Variants in CAMKK2 observed in about 807,000 individuals in gnomAD.
CAMKK2 encodes calcium/calmodulin dependent protein kinase kinase 2, also known as calcium/calmodulin-dependent protein kinase kinase 2.
CAMKK2 carries 30 observed loss-of-function variants against 67.2 expected under a neutral mutation model. The observed-to-expected ratio is 0.45, with a 90% CI of 0.33 to 0.61. CAMKK2 has a LOEUF of 0.61. Among genes scored for constraint, CAMKK2 ranks in the 20% least tolerant of loss-of-function variants. The probability of loss-of-function intolerance (pLI) is 0.02; values close to 1 mark genes in which losing one functional copy is unlikely to be tolerated. For synonymous variants in CAMKK2, 322 were observed against 326.2 expected (o/e 0.99, Z 0.14); for missense variants, 643 against 802.0 (o/e 0.80, Z 2.39).
rs201740987 is a variant in CAMKK2 at position 121,244,564 on chromosome 12, G to A, written c.1596+9C>T. 1.9e-5 allele frequency: 29 copies of A among 1,558,162 alleles called. No homozygotes were observed. Among genetic ancestry groups the A allele is most frequent in the South Asian group, 5.9e-5 (5 of 84,590 alleles). ...AGCAGAGGCTACGGCACAGGCAGGC[G>A]GGCGTTACCTTGAGCTCAGACAGGG... On this transcript the variant is annotated intron_variant, in intron 16 of 16. Coordinates refer to ENST00000404169, the MANE Select transcript of CAMKK2 (RefSeq NM_001270485.2).
chr12:121,252,059 C>T (rs755444202), intron 11 of CAMKK2, among the ~76,000 whole-genome samples: 1 of 152,182 alleles, frequency 6.6e-6, no homozygotes, highest in Non-Finnish European at 1.5e-5. Context: ...TTAGTGATGT[C>T]TGCCTTGGGC....
At chr12:121,292,975 A>C (rs941523894) in intron 1 of CAMKK2, among the ~76,000 whole-genome samples, 6 of 148,448 alleles carry the variant, frequency 4.0e-5, no homozygotes, top group Non-Finnish European at 9.0e-5. Context: ...TCTCAAAAGA[A>C]AAAAAAAAAG....
At chr12:121,282,482 G>T (rs913555397) in intron 1 of CAMKK2, among the ~76,000 whole-genome samples, 9 of 152,188 alleles carry the variant, frequency 5.9e-5, no homozygotes, top group African/African-American at 2.2e-4. Flanking sequence ...TCATTAGGGT[G>T]GGCCCCAGTC....
In CAMKK2 at chr12:121,242,899, C is replaced by T. The variant is rs1311566507; in HGVS notation, c.1596+1674G>A. ...CTGGGACTACAGGCGCCCGCCACCG[C>T]GCCCGGCTAATTTTTTGTATTTTTA... On this transcript the variant is annotated intron_variant, in intron 16 of 16. Coordinates refer to ENST00000404169, the MANE Select transcript of CAMKK2 (RefSeq NM_001270485.2). Among the ~76,000 whole-genome samples the T allele has an allele frequency of 3.3e-5, 5 of 151,914 alleles. No individual in the cohort carries two copies. The East Asian group carries it at 5.8e-4, about 18-fold the overall frequency.
At chr12:121,244,076 A>G in intron 16 of CAMKK2, 1 of 1,608,688 alleles carries the variant, frequency 6.2e-7, no homozygotes, top group Non-Finnish European at 8.5e-7. Context: ...CACTCGGGTG[A>G]GGGAACTCTT....
At chr12:121,264,144 G>C (rs1233320345) in intron 5 of CAMKK2, among the ~76,000 whole-genome samples, 1 of 152,096 alleles carries the variant, frequency 6.6e-6, no homozygotes, top group Non-Finnish European at 1.5e-5. Context: ...GCCCTCGGCC[G>C]TCCTGTGAAT....
In CAMKK2 at chr12:121,253,428, G is replaced by T. The variant is rs1566053853; in HGVS notation, c.952C>A (p.Leu318Ile). 6.2e-7 allele frequency: 1 copy of T among 1,614,202 alleles called. No individual in the cohort carries two copies. The highest frequency in any genetic ancestry group is 2.2e-5 in the East Asian group (1 of 44,890). ...ATGTGCCCATCTTCTCCGACCAGGA[G>T]GTTGGAAGGTTTGATGTCACGGTGG... The part of the protein sequence containing the change: ...IIHRDIKPSN[L>I]LVGEDGHIKI... The change falls in exon 10 of 17, where the codon CTC becomes ATC. Residue 318 changes from leucine to isoleucine, a missense_variant. Transcript: ENST00000404169. This position sits in a 1 kb window ranked among gnomAD's most constrained non-coding sequence, Gnocchi z 5.0.
chr12:121,258,757 G>A (rs1235913099), intron 7 of CAMKK2, among the ~76,000 whole-genome samples: 1 of 151,964 alleles, frequency 6.6e-6, no homozygotes, highest in Non-Finnish European at 1.5e-5. Flanking sequence ...TCTTCTTTGA[G>A]GCTTGGACCA....
chr12:121,292,016 A>G (rs1407743531), intron 1 of CAMKK2, among the ~76,000 whole-genome samples: 2 of 151,784 alleles, frequency 1.3e-5, no homozygotes, highest in Admixed American at 6.6e-5. Context: ...AGATCACGCC[A>G]CTGCACTCCA....
upstream of CAMKK2, chr12:121,297,573 A>C: frequency 1.9e-6 from 1 of 515,872 alleles, no homozygotes; most frequent in South Asian, 1.4e-5. Context: ...TGGATCCCCC[A>C]GCTGGATAAC....
intron 1 of CAMKK2, among the ~76,000 whole-genome samples, chr12:121,277,329 C>T (rs1324025666): frequency 2.6e-5 from 4 of 152,188 alleles, no homozygotes; most frequent in African/African-American, 9.7e-5. Context: ...CCTGGTGGCT[C>T]CCCAAAAAGT....
In CAMKK2 at chr12:121,270,153, C is replaced by T. The variant is rs868539629; in HGVS notation, c.520-572G>A. Reference sequence around the variant, plus strand: ...TTGGGAGGCCGAGGCGGGCAGATCACTTGAGGTCAGGTTTGAGAACAGCCT... The same window carrying T: ...TTGGGAGGCCGAGGCGGGCAGATCATTTGAGGTCAGGTTTGAGAACAGCCT... On this transcript the variant is annotated intron_variant, in intron 3 of 16. Coordinates refer to ENST00000404169, the MANE Select transcript of CAMKK2 (RefSeq NM_001270485.2). 2.6e-5 allele frequency among the ~76,000 whole-genome samples: 4 copies of T among 152,178 alleles called. No homozygotes were observed. The South Asian group carries it at 6.2e-4, about 24-fold the overall frequency.
At chr12:121,244,237 C>T (rs1888956221) in intron 16 of CAMKK2, 8 of 1,136,358 alleles carry the variant, frequency 7.0e-6, no homozygotes, top group South Asian at 6.7e-5. Context: ...CGGGGGGGCA[C>T]CCATGGGCCC....
At chr12:121,270,837 C>A in intron 3 of CAMKK2, 61 bp downstream of exon 3, 1 of 1,362,888 alleles carries the variant, frequency 7.3e-7, no homozygotes, top group Non-Finnish European at 1.1e-6. Context: ...CCCGTTCCCT[C>A]CACAGTATCT....
At chr12:121,261,632 G>A (rs1371359972) in intron 6 of CAMKK2, among the ~76,000 whole-genome samples, 1 of 152,204 alleles carries the variant, frequency 6.6e-6, no homozygotes, top group Non-Finnish European at 1.5e-5. Context: ...CCAGGGCCTT[G>A]TCCGCCTAGA....
chr12:121,270,834 C>T (rs1420240382), intron 3 of CAMKK2, 64 bp downstream of exon 3: 6 of 1,317,228 alleles, frequency 4.6e-6, no homozygotes, highest in Non-Finnish European at 6.6e-6. Flanking sequence ...TACCCCGTTC[C>T]CTCCACAGTA....
Position 121,260,354 on chromosome 12 carries a change from A to T in CAMKK2, c.761T>A (p.Val254Asp). ...ATGGTCCTCATTGGGGTCATCCAGGACCTTGGCACAGCCACATGGAATAGG... is the reference window on the plus strand; with the variant it reads ...ATGGTCCTCATTGGGGTCATCCAGGTCCTTGGCACAGCCACATGGAATAGG... The part of the protein sequence containing the change: ...DHPNVVKLVE[V>D]LDDPNEDHLY... The change falls in exon 7 of 17, where the codon GTC (valine) becomes GAC (aspartate). Residue 254 changes from valine (V) to aspartate (D), a missense_variant and splice_region_variant. This residue lies in a region of CAMKK2 where 483 missense variants were observed against 625.8 expected (regional missense o/e 0.77). Coordinates refer to ENST00000404169, the MANE Select transcript of CAMKK2 (RefSeq NM_001270485.2). 1 of 1,611,790 alleles carries T rather than the reference A, an allele frequency of 6.2e-7. No individual in the cohort carries two copies. The highest frequency in any genetic ancestry group is 1.1e-5 in the South Asian group (1 of 90,194).
intron 1 of CAMKK2, among the ~76,000 whole-genome samples, chr12:121,295,856 A>C (rs1429194300): frequency 6.6e-6 from 1 of 152,182 alleles, no homozygotes; most frequent in African/African-American, 2.4e-5. Flanking sequence ...CCACTTCCCC[A>C]GCTAGGCAGT....
intron 1 of CAMKK2, among the ~76,000 whole-genome samples, chr12:121,277,630 A>G (rs1000683926): frequency 1.2e-4 from 19 of 152,006 alleles, no homozygotes; most frequent in Admixed American, 1.2e-3. Context: ...CAGATACTAA[A>G]GGACAAGTGT....
Sources: allele counts gnomAD v4.1 joint callset (sites outside exome capture counted in the v4.1 genomes callset), GRCh38; gene constraint gnomAD v4.1.1; regional missense constraint gnomAD v4.1.1; non-coding constraint Gnocchi (gnomAD v3.1); transcripts MANE v1.5; gene names NCBI Gene and HGNC (gene_info 2026-07-23, HGNC 2026-07-21).